Variants in MID1 observed in about 807,000 individuals in gnomAD.
MID1 encodes the protein E3 ubiquitin-protein ligase Midline-1.
Under a neutral mutation model 40.4 loss-of-function variants are expected in MID1, and 7 were observed. The observed-to-expected ratio is 0.17, with a 90% CI of 0.10 to 0.33. The LOEUF is 0.33. Ranked by LOEUF, MID1 falls within the 10% of genes least tolerant of loss-of-function variation. The probability of loss-of-function intolerance (pLI) is 1.00; values close to 1 mark genes in which losing one functional copy is unlikely to be tolerated. For missense variants in MID1, 367 were observed against 558.5 expected (o/e 0.66, Z 3.46); for synonymous variants, 229 against 221.2 (o/e 1.04, Z -0.31).
intron 1 of MID1, among the ~76,000 whole-genome samples, chrX:10,742,271 A>C (rs890813158): frequency 8.9e-5 from 10 of 112,064 alleles, no homozygotes; most frequent in African/African-American, 2.9e-4. Context: ...TAAAGTAATG[A>C]TTTCACATGG....
chrX:10,499,592 A>G (rs751987689), intron 3 of MID1, among the ~76,000 whole-genome samples: 11 of 111,827 alleles, frequency 9.8e-5, no homozygotes, highest in Non-Finnish European at 2.1e-4. Flanking sequence ...TAGGTCTATG[A>G]GCCATTTTGA....
chrX:10,777,492 A>C (rs1219726695), intron 1 of MID1, among the ~76,000 whole-genome samples: 2 of 107,167 alleles, frequency 1.9e-5, no homozygotes, highest in Non-Finnish European at 1.9e-5. Flanking sequence ...CCACCACACC[A>C]GGCCTTTTTT....
chrX:10,458,169 C>CATGT (rs1928797980), intron 8 of MID1, among the ~76,000 whole-genome samples: 2 of 112,670 alleles, frequency 1.8e-5, no homozygotes, highest in Admixed American at 9.4e-5. Flanking sequence ...CAAATATTTA[C>CATGT]ATGTTCAAAT....
intron 3 of MID1, among the ~76,000 whole-genome samples, chrX:10,496,820 A>G (rs1352875251): frequency 8.9e-6 from 1 of 112,341 alleles, no homozygotes; most frequent in Non-Finnish European, 1.9e-5. Context: ...ATTCCTGATC[A>G]TTGTTCAGAC....
At chrX:10,650,351 C>G (rs963972208) in intron 1 of MID1, among the ~76,000 whole-genome samples, 1 of 110,136 alleles carries the variant, frequency 9.1e-6, no homozygotes, top group African/African-American at 3.3e-5. Context: ...TTACTTCTCC[C>G]TCCCCGCAAC....
At chrX:10,517,752 G>A (rs1310293668) in intron 3 of MID1, among the ~76,000 whole-genome samples, 1 of 109,797 alleles carries the variant, frequency 9.1e-6, no homozygotes, top group Non-Finnish European at 1.9e-5. Context: ...CTGGCAAGCA[G>A]TGCTGCTTCC....
At chrX:10,808,282 C>T (rs940242241) in intron 1 of MID1, among the ~76,000 whole-genome samples, 1 of 111,699 alleles carries the variant, frequency 9.0e-6, no homozygotes, top group Non-Finnish European at 1.9e-5. Flanking sequence ...ATCTGATAAC[C>T]ATTGAATCTC....
chrX:10,540,802 T>TC (rs1229516674), intron 2 of MID1, among the ~76,000 whole-genome samples: 1 of 112,008 alleles, frequency 8.9e-6, no homozygotes, highest in African/African-American at 3.2e-5. Flanking sequence ...TTGCTCTCCC[T>TC]CCCCATTGGA....
chrX:10,827,678 G>T (rs780574658), intron 1 of MID1, among the ~76,000 whole-genome samples: 6 of 111,186 alleles, frequency 5.4e-5, no homozygotes, highest in African/African-American at 1.3e-4. Flanking sequence ...CATTCCTTGG[G>T]TTATGAATGG....
intron 1 of MID1, among the ~76,000 whole-genome samples, chrX:10,727,370 C>T (rs1175532221): frequency 8.9e-6 from 1 of 112,725 alleles, no homozygotes; most frequent in East Asian, 2.8e-4. Flanking sequence ...CCTCCCGCCT[C>T]AGCCTCCCAA....
intron 2 of MID1, among the ~76,000 whole-genome samples, chrX:10,529,709 T>C (rs1388865005): frequency 9.0e-6 from 1 of 111,673 alleles, no homozygotes; most frequent in Non-Finnish European, 1.9e-5. Flanking sequence ...TCTCTTCCCT[T>C]TGCCTGGAAT....
chrX:10,785,354 G>T (rs1417443431), intron 1 of MID1, among the ~76,000 whole-genome samples: 1 of 110,930 alleles, frequency 9.0e-6, no homozygotes, highest in Non-Finnish European at 1.9e-5. Context: ...ATGCTCATGG[G>T]TAGGAAGAAT....
At chrX:10,552,481 C>A (rs1833086) in intron 2 of MID1, among the ~76,000 whole-genome samples, 10,964 of 110,601 alleles carry the variant, frequency 0.099, 883 homozygotes, top group African/African-American at 0.27. Flanking sequence ...CCATATCCTG[C>A]AATACTTTAA....
intron 1 of MID1, among the ~76,000 whole-genome samples, chrX:10,816,674 C>CTG (rs2147156028): frequency 8.9e-6 from 1 of 112,074 alleles, no homozygotes; most frequent in Non-Finnish European, 1.9e-5. Context: ...CTAAATTGCA[C>CTG]CTTTAGTGTT....
chrX:10,669,230 T>TAAAAAAAAAAAAA (rs761817483), intron 1 of MID1, among the ~76,000 whole-genome samples: 1 of 47,019 alleles, frequency 2.1e-5, no homozygotes, highest in Non-Finnish European at 4.1e-5. Flanking sequence ...CGTCTCAAAA[T>TAAAAAAAAAAAAA]AAAAAAAAAA....
At chrX:10,699,687 T>C (rs956374853) in intron 1 of MID1, among the ~76,000 whole-genome samples, 1 of 112,150 alleles carries the variant, frequency 8.9e-6, no homozygotes, top group African/African-American at 3.2e-5. Context: ...TTTCTGGACA[T>C]CACAGAGTCT....
chrX:10,514,830 G>A (rs1027817945), intron 3 of MID1, among the ~76,000 whole-genome samples: 1 of 111,309 alleles, frequency 9.0e-6, no homozygotes, highest in African/African-American at 3.3e-5. Context: ...CATAATTCTA[G>A]AGCCTATTAC....
intron 2 of MID1, among the ~76,000 whole-genome samples, chrX:10,547,605 A>AAGTGAGGGAGGGAGAG (rs1933739880): frequency 1.0e-5 from 1 of 95,451 alleles, no homozygotes; most frequent in Admixed American, 1.1e-4. Flanking sequence ...GGAAGGAAAG[A>AAGTGAGGGAGGGAGAG]AGGGAGGGTA....
At chrX:10,663,578 C>T (rs915002821) in intron 1 of MID1, among the ~76,000 whole-genome samples, 1 of 111,064 alleles carries the variant, frequency 9.0e-6, no homozygotes, top group Non-Finnish European at 1.9e-5. Flanking sequence ...AGATTGTGGG[C>T]CAGAATGAAG....
Sources: allele counts gnomAD v4.1 joint callset (sites outside exome capture counted in the v4.1 genomes callset), GRCh38; gene constraint gnomAD v4.1.1; transcripts MANE v1.5; gene names NCBI Gene and HGNC (gene_info 2026-07-23, HGNC 2026-07-21).